Variants in NEMP2 observed in about 807,000 individuals in gnomAD.
NEMP2 encodes nuclear envelope integral membrane protein 2.
NEMP2 carries 53 observed loss-of-function variants against 54.2 expected under a neutral mutation model. That is an observed-to-expected ratio of 0.98 (90% CI 0.78 to 1.23). The LOEUF (loss-of-function observed/expected upper bound fraction) is 1.23, where lower values mean the gene tolerates loss of function less well. Ranked by LOEUF, NEMP2 falls within the 50% of genes most tolerant of loss-of-function variation. The pLI is 0.00. For synonymous variants in NEMP2, 197 were observed against 190.3 expected, an observed-to-expected ratio of 1.04 and a Z score of -0.29; for missense variants, 455 against 511.3, an observed-to-expected ratio of 0.89 and a Z score of 1.06.
At chr2:190,539,849 A>G in the NEMP2 span, among the ~76,000 whole-genome samples, 1 of 152,170 alleles carries the variant, frequency 6.6e-6, no homozygotes. This position sits in a 1 kb window ranked among gnomAD's most constrained non-coding sequence, Gnocchi z 4.1. Context: ...TAAGTAAAAG[A>G]TCATGTTATC....
At chr2:190,541,398 G>T in the NEMP2 span, among the ~76,000 whole-genome samples, 1 of 151,930 alleles carries the variant, frequency 6.6e-6, no homozygotes, top group Non-Finnish European at 1.5e-5. The surrounding 1 kb of genome is among the most constrained non-coding windows in gnomAD (Gnocchi z 5.2). Flanking sequence ...TACTGTTATT[G>T]CTGTATCCTA....
At chr2:190,547,920 A>G in the NEMP2 span, among the ~76,000 whole-genome samples, 1 of 152,188 alleles carries the variant, frequency 6.6e-6, no homozygotes, top group African/African-American at 2.4e-5. The surrounding 1 kb of genome is among the most constrained non-coding windows in gnomAD (Gnocchi z 6.2). Flanking sequence ...GGAAAAGATA[A>G]TAGGAATGGC....
the NEMP2 span, among the ~76,000 whole-genome samples, chr2:190,600,157 TG>T: frequency 6.6e-6 from 1 of 152,156 alleles, no homozygotes; most frequent in Non-Finnish European, 1.5e-5. The surrounding 1 kb of genome is among the most constrained non-coding windows in gnomAD (Gnocchi z 4.9). Context: ...ATCTTAGCAG[TG>T]GTATTTTACA....
the NEMP2 span, among the ~76,000 whole-genome samples, chr2:190,549,774 G>T: frequency 6.6e-6 from 1 of 152,002 alleles, no homozygotes; most frequent in Non-Finnish European, 1.5e-5. Flanking sequence ...CATTTGTATG[G>T]TTCCTTCCCT....
chr2:190,448,446 T>C, the NEMP2 span, among the ~76,000 whole-genome samples: 1 of 152,148 alleles, frequency 6.6e-6, no homozygotes, highest in Non-Finnish European at 1.5e-5. Flanking sequence ...ACATTCAATA[T>C]GGTATAGTCA....
At chr2:190,548,032 C>T in the NEMP2 span, among the ~76,000 whole-genome samples, 1 of 152,066 alleles carries the variant, frequency 6.6e-6, no homozygotes, top group Non-Finnish European at 1.5e-5. Context: ...AGGTCACTTG[C>T]CACTTGGAAT....
At chr2:190,436,784 C>T in the NEMP2 span, 1 of 1,614,202 alleles carries the variant, frequency 6.2e-7, no homozygotes, top group Non-Finnish European at 8.5e-7. The surrounding 1 kb of genome is among the most constrained non-coding windows in gnomAD (Gnocchi z 5.3). Context: ...CCTGTCTCCC[C>T]AGGAAGCGTA....
the NEMP2 span, among the ~76,000 whole-genome samples, chr2:190,606,943 C>T: frequency 1.3e-5 from 2 of 152,130 alleles, no homozygotes; most frequent in Admixed American, 6.5e-5. Context: ...TTCCTTGGTG[C>T]CTGGCTTCCT....
chr2:190,533,987 C>T lies in NEMP2; in HGVS notation c.97+572G>A. ...CCAGGCATTGTGCACACGAACACCACAAGAACCTTGTGAGGCCTCATTACC... is the reference window on the plus strand; with the variant it reads ...CCAGGCATTGTGCACACGAACACCATAAGAACCTTGTGAGGCCTCATTACC... On this transcript the variant is annotated intron_variant, in intron 1 of 8. Coordinates refer to ENST00000409150, the MANE Select transcript of NEMP2 (RefSeq NM_001142645.2). This position sits in a 1 kb window ranked among gnomAD's most constrained non-coding sequence, Gnocchi z 4.3. 1.0e-6 allele frequency: 1 copy of T among 985,372 alleles called. No homozygotes were observed. Among genetic ancestry groups the T allele is most frequent in the Non-Finnish European group, 1.2e-6 (1 of 829,960 alleles). 61.0% of individuals were successfully genotyped at this position (985,372 alleles called of 1,614,324 possible).
At chr2:190,470,984 T>C in the NEMP2 span, among the ~76,000 whole-genome samples, 1 of 152,152 alleles carries the variant, frequency 6.6e-6, no homozygotes, top group Non-Finnish European at 1.5e-5. Context: ...TGTTTACAAA[T>C]ATATAGAAAA....
At chr2:190,536,208 G>A (rs1014451810), upstream of NEMP2, among the ~76,000 whole-genome samples, 2 of 152,104 alleles carry the variant, frequency 1.3e-5, no homozygotes, top group African/African-American at 4.8e-5. Context: ...TCTGTCACTG[G>A]GGGACAATCA....
At chr2:190,624,153 A>G in the NEMP2 span, among the ~76,000 whole-genome samples, 1 of 152,256 alleles carries the variant, frequency 6.6e-6, no homozygotes, top group Non-Finnish European at 1.5e-5. Context: ...CCAAATAGAT[A>G]TTTCTCAAAA....
At chr2:190,438,494 C>T in the NEMP2 span, among the ~76,000 whole-genome samples, 1 of 152,206 alleles carries the variant, frequency 6.6e-6, no homozygotes, top group Admixed American at 6.5e-5. The surrounding 1 kb of genome is among the most constrained non-coding windows in gnomAD (Gnocchi z 5.2). Context: ...CCAGCCTGGG[C>T]AACAGAGTGA....
Position 190,509,306 on chromosome 2 carries a change from T to C in NEMP2, c.1137A>G (p.Ala379=). ...AGTGGCTTCCTCCAAGAACAAAGTC[T>C]GCAAATCTAACAAGTTTTTTGTTTT... ...VSRLHTPSKF[A]DFVLGGSHLS... Residue 379 remains alanine (A), a synonymous_variant, in exon 9 of 9, where the codon GCA becomes GCG. Transcript: ENST00000409150. The surrounding 1 kb of genome is among the most constrained non-coding windows in gnomAD (Gnocchi z 6.1). The C allele has an allele frequency of 6.4e-7, 1 of 1,551,682 alleles. No homozygotes were observed. Among genetic ancestry groups the C allele is most frequent in the Non-Finnish European group, 8.7e-7 (1 of 1,146,974 alleles).
chr2:190,500,325 G>A (rs980227684), downstream of NEMP2: 112 of 1,114,474 alleles, frequency 1.0e-4, no homozygotes, highest in Middle Eastern at 8.4e-4. The surrounding 1 kb of genome is among the most constrained non-coding windows in gnomAD (Gnocchi z 5.3). Flanking sequence ...GCACAGCACT[G>A]CATATGCTTC....
chr2:190,462,093 T>C, the NEMP2 span, among the ~76,000 whole-genome samples: 2 of 152,188 alleles, frequency 1.3e-5, no homozygotes, highest in African/African-American at 2.4e-5. The surrounding 1 kb of genome is among the most constrained non-coding windows in gnomAD (Gnocchi z 5.7). Flanking sequence ...ATTTCCAGGA[T>C]AATCATTGTT....
At chr2:190,502,332 G>A (rs1184816201), downstream of NEMP2, 2 of 152,110 alleles carry the variant, frequency 1.3e-5, no homozygotes, top group Non-Finnish European at 2.9e-5. The surrounding 1 kb of genome is among the most constrained non-coding windows in gnomAD (Gnocchi z 4.4). Flanking sequence ...TTGAGATTTT[G>A]TAACCCCTCT....
At chr2:190,439,705 G>A in the NEMP2 span, among the ~76,000 whole-genome samples, 115 of 152,308 alleles carry the variant, frequency 7.6e-4, no homozygotes, top group Admixed American at 2.9e-3. The surrounding 1 kb of genome is among the most constrained non-coding windows in gnomAD (Gnocchi z 5.8). Context: ...TTAATAATGT[G>A]ATGGAAGAAG....
the NEMP2 span, among the ~76,000 whole-genome samples, chr2:190,458,880 T>C: frequency 6.6e-6 from 1 of 152,190 alleles, no homozygotes; most frequent in Non-Finnish European, 1.5e-5. The surrounding 1 kb of genome is among the most constrained non-coding windows in gnomAD (Gnocchi z 5.3). Context: ...GGCTTACTCA[T>C]AAGGCCTGCG....
Sources: gnomAD v4.1 joint callset for allele counts (sites outside exome capture counted in the v4.1 genomes callset) on GRCh38, gnomAD v4.1.1 for gene constraint, Gnocchi (gnomAD v3.1) non-coding constraint, MANE v1.5 for transcripts, NCBI Gene and HGNC (gene_info 2026-07-23, HGNC 2026-07-21) for gene names.